BICC1: variants seen among roughly 807,000 people sequenced by gnomAD.
BICC1 encodes the protein BicC family RNA binding protein 1.
Under a neutral mutation model 111.0 loss-of-function variants are expected in BICC1, and 43 were observed. The ratio of observed to expected loss-of-function variants is 0.39; its 90% CI spans 0.30 to 0.50. BICC1 has a LOEUF of 0.50. Among genes scored for constraint, BICC1 ranks in the 20% least tolerant of loss-of-function variants. The pLI, the probability that BICC1 is intolerant of heterozygous loss-of-function variation, is 0.88. For missense variants in BICC1, 1,091 were observed against 1,203.2 expected (o/e 0.91, Z 1.38); for synonymous variants, 467 against 434.4 (o/e 1.07, Z -0.93).
chr10:58,738,612 C>T (rs2132591977), intron 3 of BICC1, among the ~76,000 whole-genome samples: 1 of 145,206 alleles, frequency 6.9e-6, no homozygotes. Flanking sequence ...TAGTTTTTTC[C>T]AATTCTGTGA....
chr10:58,626,198 T>C (rs573478400), intron 2 of BICC1, among the ~76,000 whole-genome samples: 4 of 152,328 alleles, frequency 2.6e-5, no homozygotes, highest in African/African-American at 9.6e-5. Flanking sequence ...ATTACATTGT[T>C]GGTCCCAAGC....
At chr10:58,770,329 T>C (rs1293744708) in intron 3 of BICC1, among the ~76,000 whole-genome samples, 1 of 152,150 alleles carries the variant, frequency 6.6e-6, no homozygotes, top group African/African-American at 2.4e-5. Context: ...AAAGTGAATA[T>C]GTCCCATTTT....
At chr10:58,700,982 A>G (rs1397610385) in intron 2 of BICC1, among the ~76,000 whole-genome samples, 1 of 152,188 alleles carries the variant, frequency 6.6e-6, no homozygotes, top group African/African-American at 2.4e-5. Flanking sequence ...TACAGTCTGA[A>G]ACATCTGCTG....
At position 58,758,972 on chromosome 10, in the gene BICC1, TA is replaced by T. The variant is rs1564597230; in HGVS notation, c.308-26028del. On this transcript the variant is annotated intron_variant, in intron 3 of 20. Transcript: ENST00000373886. The stretch of plus-strand genomic sequence containing the variant: ...TTATTTATTTATTTATTTATTTATT[TA>T]TTTTGAGATGGAGTCTTGCTTTGTC... Among the ~76,000 whole-genome samples the T allele has an allele frequency of 4.3e-4, 57 of 132,834 alleles. 1 individual carries two copies. Among genetic ancestry groups the T allele is most frequent in the African/African-American group, 1.5e-3 (57 of 37,862 alleles). The allele number at this position is 132,834 out of a possible 152,430, so 87.1% of individuals were successfully genotyped here.
chr10:58,811,927 T>G (rs905033414), intron 17 of BICC1, among the ~76,000 whole-genome samples: 2 of 151,684 alleles, frequency 1.3e-5, no homozygotes, highest in African/African-American at 4.8e-5. Context: ...GAAGCCGAGG[T>G]GGGTAGGGTG....
chr10:58,556,986 C>G (rs1190148839), intron 1 of BICC1, among the ~76,000 whole-genome samples: 1 of 152,004 alleles, frequency 6.6e-6, no homozygotes, highest in Non-Finnish European at 1.5e-5. Flanking sequence ...AATGTTACCT[C>G]GCGTTGTAAA....
At chr10:58,631,395 CT>C (rs986338925) in intron 2 of BICC1, among the ~76,000 whole-genome samples, 1 of 150,164 alleles carries the variant, frequency 6.7e-6, no homozygotes. Context: ...TTTTTTCTTT[CT>C]TTTTTTTTAA....
chr10:58,537,099 C>T (rs1380429073), intron 1 of BICC1, among the ~76,000 whole-genome samples: 3 of 151,496 alleles, frequency 2.0e-5, no homozygotes, highest in Admixed American at 2.0e-4. Flanking sequence ...ACAAAAAAAG[C>T]CCAGGGCATA....
intron 1 of BICC1, among the ~76,000 whole-genome samples, chr10:58,532,574 T>C (rs1649083): frequency 0.99 from 150,812 of 151,894 alleles, 74,873 homozygotes; most frequent in East Asian, 1. Context: ...GACGAGATGA[T>C]GATGAAGATG....
At chr10:58,520,804 T>C (rs1842367594) in intron 1 of BICC1, among the ~76,000 whole-genome samples, 1 of 152,144 alleles carries the variant, frequency 6.6e-6, no homozygotes, top group African/African-American at 2.4e-5. Context: ...CATCCCTAAC[T>C]CCAGAATCCA....
intron 2 of BICC1, among the ~76,000 whole-genome samples, chr10:58,626,986 G>A (rs150914920): frequency 0.012 from 1,801 of 152,080 alleles, 33 homozygotes; most frequent in African/African-American, 0.041. Flanking sequence ...CCTATAATCC[G>A]ATCTACTCGG....
Position 58,729,334 on chromosome 10 carries a change from T to C in BICC1, c.307+27191T>C, listed in dbSNP as rs565384108. Among the ~76,000 whole-genome samples the C allele has an allele frequency of 3.0e-4, 45 of 152,370 alleles. 3 individuals carry two copies. In the South Asian group the frequency reaches 9.3e-3, roughly 32 times the overall value. On this transcript the variant is annotated intron_variant, in intron 3 of 20. Transcript: ENST00000373886. The stretch of plus-strand genomic sequence containing the variant: ...TGCTTCACCTTGCATTTTAAAATTA[T>C]GGAGATGGCATCTTTTCTTAAACTT...
intron 1 of BICC1, among the ~76,000 whole-genome samples, chr10:58,582,600 A>G (rs1844313397): frequency 6.6e-6 from 1 of 152,218 alleles, no homozygotes. Context: ...TTAAACCAAT[A>G]CAAGGTGATT....
intron 1 of BICC1, among the ~76,000 whole-genome samples, chr10:58,545,400 G>A (rs7911971): frequency 0.37 from 55,924 of 151,982 alleles, 10,583 homozygotes; most frequent in East Asian, 0.48. Flanking sequence ...TGATGAAGCA[G>A]TTAGATTTGG....
At chr10:58,580,105 A>G (rs1461904214) in intron 1 of BICC1, among the ~76,000 whole-genome samples, 2 of 151,680 alleles carry the variant, frequency 1.3e-5, no homozygotes, top group Non-Finnish European at 2.9e-5. Flanking sequence ...GCTCACTGCA[A>G]CCTTCACCTC....
At chr10:58,800,418 T>A in intron 13 of BICC1, 92 bp downstream of exon 13, 1 of 1,255,660 alleles carries the variant, frequency 8.0e-7, no homozygotes, top group Non-Finnish European at 1.1e-6. Flanking sequence ...TGAGTTGGTT[T>A]TGCTAAACAG....
intron 2 of BICC1, among the ~76,000 whole-genome samples, chr10:58,673,845 G>A (rs916200608): frequency 1.3e-5 from 2 of 148,356 alleles, no homozygotes; most frequent in Non-Finnish European, 3.0e-5. Flanking sequence ...GAGCTAGGCT[G>A]GTCTCGAACT....
chr10:58,785,119 GTCTC>G, intron 4 of BICC1, 39 bp downstream of exon 4: 15 of 1,252,594 alleles, frequency 1.2e-5, no homozygotes, highest in Non-Finnish European at 1.5e-5. Context: ...TCAGAACCTT[GTCTC>G]TACAAGGGCT....
chr10:58,646,803 A>G (rs1025587238), intron 2 of BICC1, among the ~76,000 whole-genome samples: 5 of 152,124 alleles, frequency 3.3e-5, no homozygotes, highest in Admixed American at 6.5e-5. Context: ...TTTTTTTTAA[A>G]TTAAATACTA....
Sources: allele counts gnomAD v4.1 joint callset (sites outside exome capture counted in the v4.1 genomes callset), GRCh38; gene constraint gnomAD v4.1.1; transcripts MANE v1.5; gene names NCBI Gene and HGNC (gene_info 2026-07-23, HGNC 2026-07-21).